ACAD10: variants seen among roughly 807,000 people sequenced by gnomAD.
ACAD10 encodes ACAD-10.
ACAD10 carries 112 observed loss-of-function variants against 116.8 expected under a neutral mutation model. That is an observed-to-expected ratio of 0.96 (90% CI 0.82 to 1.12). The LOEUF (loss-of-function observed/expected upper bound fraction) is 1.12. Ranked by LOEUF, ACAD10 falls within the 50% of genes most tolerant of loss-of-function variation. ACAD10 has a pLI of 0.00. For missense variants in ACAD10, 1,259 were observed against 1,350.2 expected (o/e 0.93, Z 1.06); for synonymous variants, 486 against 510.6 (o/e 0.95, Z 0.65).
At chr12:111,712,103 A>G (rs899189763) in intron 5 of ACAD10, among the ~76,000 whole-genome samples, 2 of 152,242 alleles carry the variant, frequency 1.3e-5, no homozygotes, top group South Asian at 2.1e-4. Flanking sequence ...GTTCCAGCCA[A>G]TGGAAACTGG....
At chr12:111,743,759 T>C (rs896784887) in intron 12 of ACAD10, among the ~76,000 whole-genome samples, 3 of 152,162 alleles carry the variant, frequency 2.0e-5, no homozygotes, top group African/African-American at 7.2e-5. Flanking sequence ...TATTTATTTA[T>C]TTTTTTGAGA....
chr12:111,689,439 T>C (rs1168191594), intron 1 of ACAD10, among the ~76,000 whole-genome samples: 1 of 151,846 alleles, frequency 6.6e-6, no homozygotes, highest in Non-Finnish European at 1.5e-5. Context: ...TGGTGCAATC[T>C]TGGTTCACTG....
intron 13 of ACAD10, 99 bp downstream of exon 13, chr12:111,745,142 A>G (rs1889855650): frequency 7.7e-7 from 1 of 1,297,692 alleles, no homozygotes; most frequent in Non-Finnish European, 1.0e-6. Flanking sequence ...GTGAAGATAC[A>G]GGAGCTCCGA....
chr12:111,688,747 A>G (rs1378303888), intron 1 of ACAD10, among the ~76,000 whole-genome samples: 2 of 150,528 alleles, frequency 1.3e-5, no homozygotes, highest in African/African-American at 4.9e-5. Context: ...GGTTGCAGTG[A>G]GCCGAGATCA....
At chr12:111,715,706 A>C (rs1384133970) in intron 6 of ACAD10, 115 bp from the exon 7 acceptor site, 4 of 1,432,548 alleles carry the variant, frequency 2.8e-6, no homozygotes, top group African/African-American at 1.4e-5. Context: ...CTTGCACTGC[A>C]TGGCAGATGA....
chr12:111,693,626 C>T (rs1195033802), intron 2 of ACAD10, among the ~76,000 whole-genome samples: 1 of 152,058 alleles, frequency 6.6e-6, no homozygotes, highest in Admixed American at 6.6e-5. Context: ...TGAAATTCCC[C>T]TTTTGATTAC....
At chr12:111,741,495 G>A (rs949168309) in intron 12 of ACAD10, among the ~76,000 whole-genome samples, 1 of 152,122 alleles carries the variant, frequency 6.6e-6, no homozygotes. Context: ...GTGAGCCATC[G>A]TTGTGGCTTC....
intron 7 of ACAD10, among the ~76,000 whole-genome samples, chr12:111,721,280 A>G (rs1025116077): frequency 2.6e-5 from 4 of 151,980 alleles, no homozygotes; most frequent in Non-Finnish European, 4.4e-5. Context: ...CAGAAAAGTA[A>G]TTTCAGGCCA....
Position 111,733,992 on chromosome 12 carries a change from C to T in ACAD10, c.1464C>T (p.Thr488=), listed in dbSNP as rs748775408. 1 of 1,614,242 alleles carries T rather than the reference C, an allele frequency of 6.2e-7. No homozygotes were observed. Among genetic ancestry groups the T allele is most frequent in the Admixed American group, 1.7e-5 (1 of 60,026 alleles). The change falls in exon 11 of 21, where the codon ACC becomes ACT. Residue 488 remains threonine (T), a synonymous_variant. Transcript: ENST00000313698. ...VLAVLDWELS[T]LGDPLADVAY... is the part of the protein sequence containing the mutation. ...CTGTCCTTGACTGGGAACTTTCTACCTTGGGCGACCCCCTTGCTGATGTGG... is the reference window on the plus strand; with the variant it reads ...CTGTCCTTGACTGGGAACTTTCTACTTTGGGCGACCCCCTTGCTGATGTGG...
At chr12:111,695,178 A>G (rs994720278) in intron 2 of ACAD10, among the ~76,000 whole-genome samples, 3 of 152,170 alleles carry the variant, frequency 2.0e-5, no homozygotes, top group African/African-American at 4.8e-5. Context: ...CTTTCCTGCT[A>G]TGGACTACCT....
chr12:111,730,024 G>A (rs1469706136), intron 10 of ACAD10, 68 bp downstream of exon 10: 1 of 1,551,242 alleles, frequency 6.4e-7, no homozygotes, highest in African/African-American at 1.4e-5. Flanking sequence ...TTGAGCAATT[G>A]GTCTTGGTGC....
intron 17 of ACAD10, chr12:111,748,920 C>A: frequency 7.8e-7 from 1 of 1,274,360 alleles, no homozygotes; most frequent in Non-Finnish European, 1.1e-6. Flanking sequence ...GGAGCTTCAG[C>A]TTAAGGTGGC....
At chr12:111,750,937 G>A (rs1890057109) in intron 18 of ACAD10, among the ~76,000 whole-genome samples, 2 of 152,202 alleles carry the variant, frequency 1.3e-5, no homozygotes, top group Non-Finnish European at 2.9e-5. Flanking sequence ...AGACTGACCA[G>A]TTATTTTTTC....
At chr12:111,738,303 A>G (rs669148) in intron 12 of ACAD10, among the ~76,000 whole-genome samples, 41,759 of 151,774 alleles carry the variant, frequency 0.28, 7,582 homozygotes, top group East Asian at 0.9. Flanking sequence ...AAAATTAGCC[A>G]GGCATGGTGG....
At chr12:111,712,753 AAAG>A (rs1480073484) in intron 6 of ACAD10, 96 bp downstream of exon 6, 3 of 1,380,268 alleles carry the variant, frequency 2.2e-6, no homozygotes, top group Non-Finnish European at 3.0e-6. Flanking sequence ...GGCTGGAGAC[AAAG>A]AAGCTTTACA....
At chr12:111,742,858 C>A (rs1454673846) in intron 12 of ACAD10, among the ~76,000 whole-genome samples, 1 of 152,086 alleles carries the variant, frequency 6.6e-6, no homozygotes, top group Non-Finnish European at 1.5e-5. Flanking sequence ...TACAGGCGTG[C>A]ATCACCACAC....
intron 11 of ACAD10, among the ~76,000 whole-genome samples, chr12:111,736,542 T>C (rs1889570017): frequency 6.6e-6 from 1 of 152,174 alleles, no homozygotes; most frequent in African/African-American, 2.4e-5. Flanking sequence ...TTGAAGATAA[T>C]ATGCATCCAC....
intron 18 of ACAD10, 148 bp downstream of exon 18, chr12:111,749,493 C>A: frequency 9.4e-7 from 1 of 1,065,002 alleles, no homozygotes. Context: ...TTCCTGTCTG[C>A]TTTGCATCTG....
Position 111,723,461 on chromosome 12 carries a change from C to T in ACAD10, c.1061+1722C>T, listed in dbSNP as rs533831391. Among the ~76,000 whole-genome samples, 1,050 of 126,302 alleles carry T rather than the reference C, an allele frequency of 8.3e-3. 18 individuals are homozygous for T. The highest frequency in any genetic ancestry group is 0.03 in the African/African-American group (992 of 33,318). The allele number at this position is 126,302 out of a possible 152,430, so 82.9% of individuals were successfully genotyped here. ...CTCCTGGACGGGGCAGCTGGCCGGGCGGGGGGCTGACCCCCCCGCCTCCCT... is the reference window on the plus strand; with the variant it reads ...CTCCTGGACGGGGCAGCTGGCCGGGTGGGGGGCTGACCCCCCCGCCTCCCT... On this transcript the variant is annotated intron_variant, in intron 8 of 20. Transcript: ENST00000313698.
Sources: gnomAD v4.1 joint callset for allele counts (sites outside exome capture counted in the v4.1 genomes callset) on GRCh38, gnomAD v4.1.1 for gene constraint, MANE v1.5 for transcripts, NCBI Gene and HGNC (gene_info 2026-07-23, HGNC 2026-07-21) for gene names.